The following ADGRB3 variants were observed in gnomAD, a reference collection of about 807,000 sequenced individuals.
The protein encoded by ADGRB3 is adhesion G protein-coupled receptor B3.
In ADGRB3, 37 loss-of-function variants were observed where a neutral mutation model predicts 193.4. That is an observed-to-expected ratio of 0.19 (90% CI 0.15 to 0.25). The LOEUF (loss-of-function observed/expected upper bound fraction) is 0.25. Among genes scored for constraint, ADGRB3 ranks in the 10% least tolerant of loss-of-function variants. The probability of loss-of-function intolerance (pLI) is 1.00; values close to 1 mark genes in which losing one functional copy is unlikely to be tolerated. For synonymous variants in ADGRB3, 690 were observed against 644.2 expected, an observed-to-expected ratio of 1.07 and a Z score of -1.08; for missense variants, 1,637 against 1,852.9, an observed-to-expected ratio of 0.88 and a Z score of 2.14.
chr6:69,233,275 C>T lies in ADGRB3; in HGVS notation c.2481-15C>T. On this transcript the variant is annotated splice_polypyrimidine_tract_variant and intron_variant, in intron 17 of 31. Coordinates refer to ENST00000370598, the MANE Select transcript of ADGRB3 (RefSeq NM_001704.3). Reference sequence around the variant, plus strand: ...TATTTATCCCGATTTCCTCCCCCCTCACTCCCCTTTGCAGGAACGAGTCTT... The same window carrying T: ...TATTTATCCCGATTTCCTCCCCCCTTACTCCCCTTTGCAGGAACGAGTCTT... 1 of 1,612,622 alleles carries T rather than the reference C, an allele frequency of 6.2e-7. No individual in the cohort carries two copies.
intron 10 of ADGRB3, among the ~76,000 whole-genome samples, chr6:68,993,482 C>A (rs962219752): frequency 5.3e-5 from 8 of 152,192 alleles, no homozygotes; most frequent in Middle Eastern, 3.4e-3. Flanking sequence ...CAATTAAGAA[C>A]CTAAATTAAT....
chr6:68,752,667 G>T (rs1447791070), intron 3 of ADGRB3, among the ~76,000 whole-genome samples: 2 of 152,170 alleles, frequency 1.3e-5, no homozygotes, highest in East Asian at 1.9e-4. Context: ...AAATGAGAAG[G>T]TGGGTCCAGT....
At chr6:69,272,932 C>A (rs1289858610) in intron 20 of ADGRB3, among the ~76,000 whole-genome samples, 1 of 152,036 alleles carries the variant, frequency 6.6e-6, no homozygotes, top group Non-Finnish European at 1.5e-5. Flanking sequence ...TGGAGTTTTG[C>A]TCTTTTTGCC....
At chr6:68,907,796 C>T (rs2150235815) in intron 3 of ADGRB3, among the ~76,000 whole-genome samples, 1 of 151,926 alleles carries the variant, frequency 6.6e-6, no homozygotes, top group South Asian at 2.1e-4. Context: ...ACCATGTTTG[C>T]CAGATGTTGC....
At chr6:68,782,910 A>C (rs1343925729) in intron 3 of ADGRB3, among the ~76,000 whole-genome samples, 3 of 151,942 alleles carry the variant, frequency 2.0e-5, no homozygotes, top group Admixed American at 6.6e-5. Context: ...TCATTTTTAT[A>C]GACATACCAA....
intron 20 of ADGRB3, among the ~76,000 whole-genome samples, chr6:69,292,050 C>T (rs189519282): frequency 1.3e-4 from 20 of 152,254 alleles, no homozygotes; most frequent in Admixed American, 5.9e-4. Flanking sequence ...TATACTGTTT[C>T]CTGCCCTGTC....
chr6:68,986,016 C>T (rs1769063227), intron 10 of ADGRB3, among the ~76,000 whole-genome samples: 1 of 152,066 alleles, frequency 6.6e-6, no homozygotes, highest in African/African-American at 2.4e-5. Context: ...TTAGAAAAGA[C>T]GTCTCACCTA....
chr6:68,902,140 T>C (rs182374860), intron 3 of ADGRB3, among the ~76,000 whole-genome samples: 478 of 152,240 alleles, frequency 3.1e-3, no homozygotes, highest in African/African-American at 0.011. Flanking sequence ...TTATGTTTTA[T>C]ATATATTCTG....
Position 68,936,749 on chromosome 6 carries a change from T to A in ADGRB3, c.1030+69T>A, listed in dbSNP as rs1767495843. The A allele has an allele frequency of 2.0e-6, 3 of 1,502,682 alleles. No homozygotes were observed. In the South Asian group the frequency reaches 3.8e-5, roughly 19 times the overall value. The allele number at this position is 1,502,682 out of a possible 1,614,324, so 93.1% of individuals were successfully genotyped here. On this transcript the variant is annotated intron_variant, in intron 5 of 31. Transcript: ENST00000370598. ...GTCATGCTACGCATTTGGAACGATT[T>A]GTTATTTTCATATGAAACGGGTATA...
intron 17 of ADGRB3, among the ~76,000 whole-genome samples, chr6:69,155,007 A>G (rs1774792198): frequency 6.6e-6 from 1 of 152,246 alleles, no homozygotes; most frequent in Non-Finnish European, 1.5e-5. Context: ...AACTGAACAG[A>G]GAATATTGAA....
At chr6:69,143,883 A>T (rs1774410276) in intron 17 of ADGRB3, among the ~76,000 whole-genome samples, 1 of 152,146 alleles carries the variant, frequency 6.6e-6, no homozygotes, top group Non-Finnish European at 1.5e-5. Flanking sequence ...GTGGATCCAT[A>T]TACATTTCAG....
At chr6:69,021,445 T>C (rs1366207046) in intron 13 of ADGRB3, among the ~76,000 whole-genome samples, 1 of 151,900 alleles carries the variant, frequency 6.6e-6, no homozygotes, top group African/African-American at 2.4e-5. Context: ...TAAATATAGT[T>C]TCAGCATTTC....
chr6:69,002,234 T>C lies in ADGRB3; in HGVS notation c.1929+8272T>C, dbSNP rs868103107. ...AAGCATCTTTTATCTTTTTTTTTTT[T>C]TTTTTGATGGAGTTTTGCTCTGTCG... On this transcript the variant is annotated intron_variant, in intron 11 of 31. Coordinates refer to ENST00000370598, the MANE Select transcript of ADGRB3 (RefSeq NM_001704.3). Among the ~76,000 whole-genome samples, 6 of 151,776 alleles carry C rather than the reference T, an allele frequency of 4.0e-5. No homozygotes were observed. In the South Asian group the frequency reaches 8.3e-4, roughly 21 times the overall value.
intron 11 of ADGRB3, among the ~76,000 whole-genome samples, chr6:69,005,537 T>C (rs1159108650): frequency 6.6e-6 from 1 of 152,200 alleles, no homozygotes; most frequent in Non-Finnish European, 1.5e-5. Flanking sequence ...TTAAAATGTG[T>C]TCTTAAAGAC....
chr6:69,072,867 C>G (rs1772116386), intron 16 of ADGRB3, among the ~76,000 whole-genome samples: 1 of 152,152 alleles, frequency 6.6e-6, no homozygotes, highest in African/African-American at 2.4e-5. Context: ...ATCAGAAAGT[C>G]ACAAGCTATA....
intron 28 of ADGRB3, among the ~76,000 whole-genome samples, chr6:69,356,967 G>T (rs1769350567): frequency 1.3e-5 from 2 of 151,978 alleles, no homozygotes; most frequent in South Asian, 2.1e-4. Flanking sequence ...TGTTGATCTT[G>T]GTGCTGCCTT....
intron 3 of ADGRB3, among the ~76,000 whole-genome samples, chr6:68,866,117 TA>T (rs11284038): frequency 0.45 from 67,946 of 151,828 alleles, 16,533 homozygotes; most frequent in East Asian, 0.59. Context: ...AATTTGGCAC[TA>T]AGTCCCACTC....
intron 6 of ADGRB3, among the ~76,000 whole-genome samples, chr6:68,952,378 G>T (rs1036630950): frequency 7.2e-5 from 11 of 151,974 alleles, no homozygotes; most frequent in Non-Finnish European, 1.5e-4. Context: ...TTACATGTGT[G>T]TTTATATATA....
At chr6:69,037,146 A>T (rs1394931504) in intron 13 of ADGRB3, among the ~76,000 whole-genome samples, 2 of 152,100 alleles carry the variant, frequency 1.3e-5, no homozygotes, top group East Asian at 3.9e-4. Flanking sequence ...ATCAATAGTA[A>T]AGAATGACCC....
Sources: gnomAD v4.1 joint callset for allele counts (sites outside exome capture counted in the v4.1 genomes callset) on GRCh38, gnomAD v4.1.1 for gene constraint, MANE v1.5 for transcripts, NCBI Gene and HGNC (gene_info 2026-07-23, HGNC 2026-07-21) for gene names.